ENOX1: variants seen among roughly 807,000 people sequenced by gnomAD.
The protein encoded by ENOX1 is candidate growth-related and time keeping constitutive hydroquinone (NADH) oxidase.
A neutral mutation model predicts 82.5 loss-of-function variants in ENOX1; 42 were observed. The ratio of observed to expected loss-of-function variants is 0.51; its 90% CI spans 0.40 to 0.66. The LOEUF is 0.66. ENOX1 is among the 30% of genes least tolerant of loss of function. The probability of loss-of-function intolerance (pLI) is 0.00; values close to 1 mark genes in which losing one functional copy is unlikely to be tolerated. For missense variants in ENOX1, 608 were observed against 811.6 expected, an observed-to-expected ratio of 0.75 and a Z score of 3.05; for synonymous variants, 271 against 282.2, an observed-to-expected ratio of 0.96 and a Z score of 0.40.
chr13:43,519,480 T>C (rs1414625502), intron 2 of ENOX1, among the ~76,000 whole-genome samples: 1 of 152,176 alleles, frequency 6.6e-6, no homozygotes, highest in Non-Finnish European at 1.5e-5. Context: ...CCATTGAGAA[T>C]GTCAGTGTGA....
intron 8 of ENOX1, among the ~76,000 whole-genome samples, chr13:43,348,871 A>G (rs932196676): frequency 1.3e-5 from 2 of 152,272 alleles, no homozygotes; most frequent in Non-Finnish European, 2.9e-5. Flanking sequence ...CACAATAAAG[A>G]AAGAAATTGT....
intron 3 of ENOX1, among the ~76,000 whole-genome samples, chr13:43,431,192 G>A (rs1250744150): frequency 6.6e-6 from 1 of 152,110 alleles, no homozygotes; most frequent in African/African-American, 2.4e-5. Flanking sequence ...TCCTTCTTAG[G>A]TGGTTTCCAA....
At chr13:43,304,357 T>A (rs995064535) in intron 11 of ENOX1, among the ~76,000 whole-genome samples, 1 of 152,108 alleles carries the variant, frequency 6.6e-6, no homozygotes, top group Non-Finnish European at 1.5e-5. Context: ...ATGATGGAAG[T>A]GAGTTTATGG....
intron 15 of ENOX1, among the ~76,000 whole-genome samples, chr13:43,235,003 G>T (rs2042461229): frequency 6.6e-6 from 1 of 152,158 alleles, no homozygotes; most frequent in South Asian, 2.1e-4. Context: ...CTTAAAGAGG[G>T]AAAAGTTTAC....
chr13:43,705,330 C>CTCTCTATATA (rs141765196), intron 1 of ENOX1, among the ~76,000 whole-genome samples: 14 of 129,850 alleles, frequency 1.1e-4, no homozygotes, highest in South Asian at 5.3e-4. Context: ...CTCTCTCTCT[C>CTCTCTATATA]TATATATATA....
At chr13:43,493,931 C>A (rs1211295779) in intron 2 of ENOX1, among the ~76,000 whole-genome samples, 2 of 152,136 alleles carry the variant, frequency 1.3e-5, no homozygotes, top group Non-Finnish European at 2.9e-5. Context: ...AGGAAACTTA[C>A]AATCATGACA....
chr13:43,530,729 A>G (rs1364102298), intron 2 of ENOX1, among the ~76,000 whole-genome samples: 1 of 152,188 alleles, frequency 6.6e-6, no homozygotes, highest in African/African-American at 2.4e-5. Context: ...TTGCCAAATC[A>G]TTAAAATCAA....
intron 2 of ENOX1, among the ~76,000 whole-genome samples, chr13:43,525,884 C>T (rs2153685338): frequency 6.6e-6 from 1 of 152,054 alleles, no homozygotes; most frequent in Admixed American, 6.5e-5. Flanking sequence ...GGTATTAACC[C>T]CTTATCAAAT....
At chr13:43,620,352 T>A (rs1469127191) in intron 2 of ENOX1, among the ~76,000 whole-genome samples, 1 of 152,256 alleles carries the variant, frequency 6.6e-6, no homozygotes, top group East Asian at 1.9e-4. Flanking sequence ...TGTCAGTTTG[T>A]GCTCTTTCAG....
intron 3 of ENOX1, among the ~76,000 whole-genome samples, chr13:43,478,054 G>GTTTTTT (rs756717438): frequency 2.0e-5 from 2 of 100,450 alleles, no homozygotes; most frequent in African/African-American, 4.0e-5. Flanking sequence ...AGCCAGAGAG[G>GTTTTTT]TTTTTTTTTT....
intron 2 of ENOX1, among the ~76,000 whole-genome samples, chr13:43,533,224 C>T (rs1196049025): frequency 2.0e-5 from 3 of 152,040 alleles, no homozygotes; most frequent in Non-Finnish European, 2.9e-5. Context: ...CATATCTTCC[C>T]CCAGGAGGAG....
chr13:43,458,997 T>TGTTTCTCTGA (rs1324033927), intron 3 of ENOX1: 1 of 152,194 alleles, frequency 6.6e-6, no homozygotes, highest in Non-Finnish European at 1.5e-5. Context: ...CTCTAACATA[T>TGTTTCTCTGA]GTTTCTCTGA....
intron 2 of ENOX1, among the ~76,000 whole-genome samples, chr13:43,657,501 C>T (rs890370791): frequency 6.6e-6 from 1 of 152,172 alleles, no homozygotes; most frequent in South Asian, 2.1e-4. Flanking sequence ...AGGCATGGTC[C>T]TCATGGCTCT....
chr13:43,346,484 GAC>G (rs1433376793), intron 8 of ENOX1, among the ~76,000 whole-genome samples: 1 of 152,160 alleles, frequency 6.6e-6, no homozygotes, highest in Non-Finnish European at 1.5e-5. Flanking sequence ...CCCTGTGAAT[GAC>G]AGACTCAAGT....
In ENOX1 at chr13:43,299,845, T is replaced by TCA. The variant is rs2046476364; in HGVS notation, c.1262-1317_1262-1316dup. Among the ~76,000 whole-genome samples the TCA allele has an allele frequency of 2.0e-5, 3 of 152,250 alleles. No homozygotes were observed. In the East Asian group the frequency reaches 5.8e-4, roughly 29 times the overall value. ...GTGGAGCCCACTGCACACCAGGTCG[T>TCA]CAGTGCATGCGCGTTTCCAGCCCCC... is the stretch of plus-strand genomic sequence containing the variant. On this transcript the variant is annotated intron_variant, in intron 11 of 16. Transcript: ENST00000690772.
intron 5 of ENOX1, among the ~76,000 whole-genome samples, chr13:43,369,728 A>G (rs929378363): frequency 2.0e-5 from 3 of 152,236 alleles, no homozygotes; most frequent in African/African-American, 4.8e-5. Context: ...CTCAATAGCT[A>G]TAATGGCTAG....
intron 2 of ENOX1, among the ~76,000 whole-genome samples, chr13:43,500,612 T>C (rs2076947616): frequency 6.6e-6 from 1 of 151,986 alleles, no homozygotes; most frequent in South Asian, 2.1e-4. Context: ...TACAAAAGGA[T>C]ACTAAACAGC....
intron 5 of ENOX1, among the ~76,000 whole-genome samples, chr13:43,401,991 C>T (rs1055908191): frequency 2.0e-5 from 3 of 151,700 alleles, no homozygotes; most frequent in African/African-American, 4.8e-5. Context: ...AAATTCACAA[C>T]GTCTGGCAAC....
At chr13:43,711,368 C>T (rs568914457) in intron 1 of ENOX1, among the ~76,000 whole-genome samples, 6 of 152,152 alleles carry the variant, frequency 3.9e-5, no homozygotes, top group Admixed American at 2.0e-4. Flanking sequence ...GTGAATAGTG[C>T]CACAATAAAC....
Sources: allele counts gnomAD v4.1 joint callset (sites outside exome capture counted in the v4.1 genomes callset), GRCh38; gene constraint gnomAD v4.1.1; transcripts MANE v1.5; gene names NCBI Gene and HGNC (gene_info 2026-07-23, HGNC 2026-07-21).